Variants in SATL1 observed in about 807,000 individuals in gnomAD.
SATL1 encodes the protein spermidine/spermine N(1)-acetyltransferase-like protein 1.
Under a neutral mutation model 51.8 loss-of-function variants are expected in SATL1, and 47 were observed. That is an observed-to-expected ratio of 0.91 (90% CI 0.72 to 1.16). The LOEUF is 1.16. Among genes scored for constraint, SATL1 ranks in the 50% most tolerant of loss-of-function variants. The probability of loss-of-function intolerance (pLI) is 0.00; values close to 1 mark genes in which losing one functional copy is unlikely to be tolerated. For synonymous variants in SATL1, 176 were observed against 182.4 expected (o/e 0.97, Z 0.28); for missense variants, 520 against 526.4 (o/e 0.99, Z 0.12).
intron 2 of SATL1, among the ~76,000 whole-genome samples, chrX:85,202,176 T>C (rs1467318353): frequency 8.9e-6 from 1 of 112,026 alleles, no homozygotes; most frequent in Admixed American, 9.5e-5. Context: ...ATGGTATCTC[T>C]TTTAATTTAA....
chrX:85,209,273 C>G (rs1602913828), intron 2 of SATL1: 1 of 111,981 alleles, frequency 8.9e-6, no homozygotes, highest in Non-Finnish European at 1.9e-5. Context: ...GTTTTGGTTA[C>G]TGAAGCCTTG....
At chrX:85,107,250 G>A in intron 3 of SATL1, 78 bp downstream of exon 3, 1 of 860,096 alleles carries the variant, frequency 1.2e-6, no homozygotes, top group Non-Finnish European at 1.7e-6. Context: ...GGCAGAATTC[G>A]AACCCCAACT....
chrX:85,181,215 A>G (rs1255251584), intron 2 of SATL1, among the ~76,000 whole-genome samples: 1 of 107,083 alleles, frequency 9.3e-6, no homozygotes, highest in East Asian at 2.9e-4. Flanking sequence ...ACATATATAT[A>G]TATATTCTTT....
intron 2 of SATL1, among the ~76,000 whole-genome samples, chrX:85,204,926 G>A (rs1290918975): frequency 8.9e-6 from 1 of 112,134 alleles, no homozygotes; most frequent in Non-Finnish European, 1.9e-5. Context: ...AAGCCAAATT[G>A]ATTAGTTTGA....
chrX:85,105,666 T>A (rs1055832520), intron 3 of SATL1, among the ~76,000 whole-genome samples: 2 of 111,313 alleles, frequency 1.8e-5, no homozygotes, highest in African/African-American at 6.5e-5. Context: ...GGACAGTCAA[T>A]AAAACCTGTA....
chrX:85,114,859 A>G (rs1292813796), intron 2 of SATL1, among the ~76,000 whole-genome samples: 1 of 112,551 alleles, frequency 8.9e-6, no homozygotes, highest in Non-Finnish European at 1.9e-5. Context: ...GGATTCTTAT[A>G]AAACTTTTAT....
At chrX:85,177,912 A>C (rs943778950) in intron 2 of SATL1, among the ~76,000 whole-genome samples, 7 of 111,479 alleles carry the variant, frequency 6.3e-5, no homozygotes, top group African/African-American at 2.3e-4. Context: ...CCTAAAAAAA[A>C]TCCTTCAAAA....
chrX:85,119,921 G>A (rs1053840589), intron 2 of SATL1, among the ~76,000 whole-genome samples: 2 of 111,240 alleles, frequency 1.8e-5, no homozygotes, highest in African/African-American at 3.3e-5. Context: ...TAAATTAAGC[G>A]AATAAAAGGC....
chrX:85,169,268 A>C (rs752497601), intron 2 of SATL1, among the ~76,000 whole-genome samples: 22 of 112,137 alleles, frequency 2.0e-4, no homozygotes, highest in Non-Finnish European at 3.0e-4. Context: ...AAAATTGACA[A>C]ATAGGATGTA....
At chrX:85,151,803 T>C (rs1926445973) in intron 2 of SATL1, among the ~76,000 whole-genome samples, 1 of 111,795 alleles carries the variant, frequency 8.9e-6, no homozygotes, top group Non-Finnish European at 1.9e-5. Flanking sequence ...TTACACCTTA[T>C]ACAAAAATCA....
chrX:85,202,940 GA>G (rs1186384707), intron 2 of SATL1, among the ~76,000 whole-genome samples: 1 of 112,095 alleles, frequency 8.9e-6, no homozygotes, highest in African/African-American at 3.2e-5. Flanking sequence ...TCTGTCCAGA[GA>G]GTTACTGATT....
chrX:85,148,086 G>A (rs1178385778), intron 2 of SATL1, among the ~76,000 whole-genome samples: 1 of 111,463 alleles, frequency 9.0e-6, no homozygotes, highest in African/African-American at 3.3e-5. Flanking sequence ...AAAAAATTTA[G>A]AAGAATGTAT....
intron 4 of SATL1, among the ~76,000 whole-genome samples, chrX:85,100,164 C>A (rs1924856649): frequency 8.9e-6 from 1 of 111,963 alleles, no homozygotes; most frequent in South Asian, 3.7e-4. Flanking sequence ...CAAGATCGTG[C>A]CAATGCACAA....
At chrX:85,125,830 A>G (rs1206444355) in intron 2 of SATL1, among the ~76,000 whole-genome samples, 1 of 110,309 alleles carries the variant, frequency 9.1e-6, no homozygotes, top group African/African-American at 3.3e-5. Flanking sequence ...AGTGTCTTAA[A>G]TTTCCACATT....
chrX:85,229,343 A>G (rs920312778), intron 1 of SATL1, among the ~76,000 whole-genome samples: 5 of 111,760 alleles, frequency 4.5e-5, no homozygotes, highest in Non-Finnish European at 9.4e-5. Flanking sequence ...TACCAGAGAC[A>G]TACAAAGATA....
Position 85,129,553 on chromosome X carries a change from C to T in SATL1, c.-312-20273G>A, listed in dbSNP as rs185839480. ...AGCTTAAGGAGATTTTGGGCTGAGACGATGGGGTTTTTTAAATATACAATC... is the reference window on the plus strand; with the variant it reads ...AGCTTAAGGAGATTTTGGGCTGAGATGATGGGGTTTTTTAAATATACAATC... On this transcript the variant is annotated intron_variant, in intron 2 of 7. Transcript: ENST00000644105. Among the ~76,000 whole-genome samples the T allele has an allele frequency of 2.3e-3, 262 of 111,766 alleles. 1 individual carries two copies. Among genetic ancestry groups the T allele is most frequent in the African/African-American group, 8.2e-3 (251 of 30,742 alleles).
chrX:85,156,593 A>C (rs1270402638), intron 2 of SATL1: 2 of 109,180 alleles, frequency 1.8e-5, no homozygotes, highest in Non-Finnish European at 3.8e-5. Context: ...GGTAGAGTAC[A>C]GGTTGATGAT....
At chrX:85,220,644 TAAAAAAAAAAAAA>T (rs57383092) in intron 2 of SATL1, among the ~76,000 whole-genome samples, 666 of 24,086 alleles carry the variant, frequency 0.028, 28 homozygotes, top group African/African-American at 0.092. Context: ...ACTTCTGTGT[TAAAAAAAAAAAAA>T]AAAAAAAAAA....
At chrX:85,222,684 T>C (rs1242717718) in intron 2 of SATL1, among the ~76,000 whole-genome samples, 2 of 111,522 alleles carry the variant, frequency 1.8e-5, no homozygotes, top group Non-Finnish European at 3.8e-5. Flanking sequence ...TTGATTTTAA[T>C]TGCTTCCTGC....
Sources: gnomAD v4.1 joint callset for allele counts (sites outside exome capture counted in the v4.1 genomes callset) on GRCh38, gnomAD v4.1.1 for gene constraint, MANE v1.5 for transcripts, NCBI Gene and HGNC (gene_info 2026-07-23, HGNC 2026-07-21) for gene names.